The following SYPL2 variants were observed in gnomAD, a reference collection of about 807,000 sequenced individuals.
SYPL2 encodes the protein synaptophysin-like protein 2.
In SYPL2, 24 loss-of-function variants were observed where a neutral mutation model predicts 31.3. The ratio of observed to expected loss-of-function variants is 0.77; its 90% CI spans 0.56 to 1.08. SYPL2 has a LOEUF of 1.08. Among genes scored for constraint, SYPL2 ranks in the 50% least tolerant of loss-of-function variants. The pLI is 0.00. For missense variants in SYPL2, 342 were observed against 360.1 expected (o/e 0.95, Z 0.41); for synonymous variants, 144 against 143.1 (o/e 1.01, Z -0.05).
At position 109,475,693 on chromosome 1, in the gene SYPL2, G is replaced by T. The variant is rs768262124; in HGVS notation, c.242G>T (p.Gly81Val). ...GTGAGCTCCATCATCGTTGCATTTG[G>T]CTATCCCTTCAGGTGAGCAAGAATT... ...KDVSSIIVAF[G>V]YPFRLHRIQY... Residue 81 changes from glycine to valine, a missense_variant, in exon 3 of 6, where the codon GGC becomes GTC. By Grantham distance (109) the Gly-to-Val change is moderately radical. Coordinates refer to ENST00000369872, the MANE Select transcript of SYPL2 (RefSeq NM_001040709.2). 6.2e-7 allele frequency: 1 copy of T among 1,613,924 alleles called. No individual in the cohort carries two copies. The highest frequency in any genetic ancestry group is 1.1e-5 in the South Asian group (1 of 91,066).
At position 109,466,662 on chromosome 1, in the gene SYPL2, C is replaced by T. The variant is rs1655645293; in HGVS notation, c.-182C>T. 7.6e-6 allele frequency: 4 copies of T among 524,156 alleles called. No homozygotes were observed. The highest frequency in any genetic ancestry group is 1.2e-5 in the Non-Finnish European group (4 of 331,608). The allele number at this position is 524,156 out of a possible 1,614,324, so 32.5% of individuals were successfully genotyped here. A position where few individuals can be genotyped will look rare whatever the true frequency, so the allele number is the denominator to read the frequency against. ...GCCTCTGAGAGCACGAACAGCAGCG[C>T]CCCCGCGTCCCAGCCAGCCAGCCAG... is the stretch of plus-strand genomic sequence containing the variant. On this transcript the variant is annotated 5_prime_UTR_variant, in exon 1 of 6. Coordinates refer to ENST00000369872, the MANE Select transcript of SYPL2 (RefSeq NM_001040709.2).
At chr1:109,475,509 G>A (rs570763644) in intron 2 of SYPL2, 72 bp from the exon 3 acceptor site, 2 of 1,562,060 alleles carry the variant, frequency 1.3e-6, no homozygotes, top group South Asian at 1.2e-5. Flanking sequence ...CACCTGCGGG[G>A]AGTCACGGTT....
At chr1:109,473,537 C>T (rs1008044124) in intron 2 of SYPL2, among the ~76,000 whole-genome samples, 1 of 152,138 alleles carries the variant, frequency 6.6e-6, no homozygotes, top group African/African-American at 2.4e-5. Context: ...CAGTGTTACT[C>T]TCAGAGAGTG....
In SYPL2 at chr1:109,478,184, G is replaced by A; in HGVS notation, c.648+175G>A. 1 of 1,395,726 alleles carries A rather than the reference G, an allele frequency of 7.2e-7. No individual in the cohort carries two copies. The highest frequency in any genetic ancestry group is 9.4e-7 in the Non-Finnish European group (1 of 1,065,972). The allele number at this position is 1,395,726 out of a possible 1,614,324, so 86.5% of individuals were successfully genotyped here. On this transcript the variant is annotated intron_variant, in intron 5 of 5. Transcript: ENST00000369872. This position sits in a 1 kb window ranked among gnomAD's most constrained non-coding sequence, Gnocchi z 4.0. Reference sequence around the variant, plus strand: ...GCTGGCTCCTGGCTGACCCTGAGAGGACATTTTGGGATGAGGGGAACCCAA... The same window carrying A: ...GCTGGCTCCTGGCTGACCCTGAGAGAACATTTTGGGATGAGGGGAACCCAA...
intron 2 of SYPL2, among the ~76,000 whole-genome samples, chr1:109,469,977 C>A (rs890226743): frequency 2.0e-5 from 3 of 151,272 alleles, no homozygotes; most frequent in Admixed American, 6.6e-5. Flanking sequence ...GAGTAAATAT[C>A]AAATCTTTTT....
chr1:109,476,941 C>T lies in SYPL2; in HGVS notation c.420C>T (p.His140=), dbSNP rs1656018817. 3 of 1,614,130 alleles carry T rather than the reference C, an allele frequency of 1.9e-6. No homozygotes were observed. Among genetic ancestry groups the T allele is most frequent in the Non-Finnish European group, 2.5e-6 (3 of 1,180,062 alleles). ...MAALVIYLRF[H]NLYTENKRFP... is the part of the protein sequence containing the mutation. ...CCCTAGTTATCTACCTGCGCTTCCA[C>T]AACCTCTACACAGAGAACAAACGCT... Residue 140 remains histidine (H), a synonymous_variant, in exon 4 of 6, where the codon CAC becomes CAT. Coordinates refer to ENST00000369872, the MANE Select transcript of SYPL2 (RefSeq NM_001040709.2).
chr1:109,474,893 TG>T (rs969730881), intron 2 of SYPL2, among the ~76,000 whole-genome samples: 1 of 152,238 alleles, frequency 6.6e-6, no homozygotes, highest in African/African-American at 2.4e-5. Flanking sequence ...TACTTTTCTC[TG>T]GGCTTGAGCC....
Position 109,479,452 on chromosome 1 carries a change from ACAGGGCCAGGGC to A in SYPL2, c.728_739del (p.Gly243_Gln246del), listed in dbSNP as rs201507882. On this transcript the variant is annotated inframe_deletion, in exon 6 of 6. Transcript: ENST00000369872. ...TGTTCAAGGAGACCCCGTGGCATGGACAGGGCCAGGGCCAGGACCAGGACCAGGACCAGGACC... is the reference window on the plus strand; with the variant it reads ...TGTTCAAGGAGACCCCGTGGCATGGACAGGACCAGGACCAGGACCAGGACC... 1.2e-6 allele frequency: 2 copies of A among 1,614,100 alleles called. No homozygotes were observed. The highest frequency in any genetic ancestry group is 1.7e-6 in the Non-Finnish European group (2 of 1,179,946).
chr1:109,467,634 T>C (rs1655696587), intron 2 of SYPL2, among the ~76,000 whole-genome samples: 1 of 152,048 alleles, frequency 6.6e-6, no homozygotes, highest in Non-Finnish European at 1.5e-5. Flanking sequence ...GGCTCTCGGC[T>C]CGCCGTTCCC....
rs1353406825 is a variant in SYPL2, at chr1:109,466,878, A to T, written c.35A>T (p.Asp12Val). The part of the protein sequence containing the change: ...SSTESAGRTA[D>V]KSPRQQVDRL... ...ACCGAGAGCGCCGGCCGCACGGCGG[A>T]CAAGTCGCCGCGCCAGCAGGTAGTC... Residue 12 changes from aspartate (D) to valine (V), a missense_variant, in exon 1 of 6, where the codon GAC becomes GTC. Transcript: ENST00000369872. 1 of 1,529,762 alleles carries T rather than the reference A, an allele frequency of 6.5e-7. No individual in the cohort carries two copies. The highest frequency in any genetic ancestry group is 2.5e-5 in the East Asian group (1 of 40,058). 94.8% of individuals were successfully genotyped at this position (1,529,762 alleles called of 1,614,324 possible).
chr1:109,467,197 A>G (rs1655675770), intron 2 of SYPL2, 64 bp downstream of exon 2: 4 of 1,103,478 alleles, frequency 3.6e-6, no homozygotes, highest in Non-Finnish European at 4.8e-6. Flanking sequence ...ACCTGAAGCA[A>G]TGGAGCCAGG....
chr1:109,471,813 T>C (rs1017762323), intron 2 of SYPL2, among the ~76,000 whole-genome samples: 1 of 151,732 alleles, frequency 6.6e-6, no homozygotes. Flanking sequence ...ACCCCTGGGC[T>C]CAAGTGATCC....
chr1:109,481,368 G>C lies in SYPL2; in HGVS notation c.*1820G>C, dbSNP rs1004429641. 4 of 152,608 alleles carry C rather than the reference G, an allele frequency of 2.6e-5. No individual in the cohort carries two copies. Among genetic ancestry groups the C allele is most frequent in the Non-Finnish European group, 4.4e-5 (3 of 68,026 alleles). The allele number at this position is 152,608 out of a possible 1,614,324, so 9.5% of individuals were successfully genotyped here. A position where few individuals can be genotyped will look rare whatever the true frequency, so the allele number is the denominator to read the frequency against. ...TGTCCCCATGGTTACTCAAGGACAA[G>C]GGGGGACAGTTTTGCCTACAGCTCC... On this transcript the variant is annotated 3_prime_UTR_variant, in exon 6 of 6. Coordinates refer to ENST00000369872, the MANE Select transcript of SYPL2 (RefSeq NM_001040709.2).
At chr1:109,475,488 C>G (rs1288863652) in intron 2 of SYPL2, 93 bp from the exon 3 acceptor site, 1 of 1,518,068 alleles carries the variant, frequency 6.6e-7, no homozygotes, top group Admixed American at 1.9e-5. Flanking sequence ...CACTCCCGCA[C>G]TTAATGTCTG....
At position 109,479,742 on chromosome 1, in the gene SYPL2, C is replaced by A; in HGVS notation, c.*194C>A. The A allele has an allele frequency of 1.3e-6, 1 of 788,660 alleles. No individual in the cohort carries two copies. Among genetic ancestry groups the A allele is most frequent in the Non-Finnish European group, 2.0e-6 (1 of 511,884 alleles). The allele number at this position is 788,660 out of a possible 1,614,324, so 48.9% of individuals were successfully genotyped here. A position where few individuals can be genotyped will look rare whatever the true frequency, so the allele number is the denominator to read the frequency against. On this transcript the variant is annotated 3_prime_UTR_variant, in exon 6 of 6. Transcript: ENST00000369872. ...CAGTGGCTTCCTATCCTCCTTCTTG[C>A]TGGAGCCATGAATGGCAGGAGCTCA...
rs766571677 is a variant in SYPL2, at chr1:109,482,093, T to G, written c.*2545T>G. 1 of 152,602 alleles carries G rather than the reference T, an allele frequency of 6.6e-6. No individual in the cohort carries two copies. Among genetic ancestry groups the G allele is most frequent in the Non-Finnish European group, 1.5e-5 (1 of 68,034 alleles). 9.5% of individuals were successfully genotyped at this position (152,602 alleles called of 1,614,324 possible). ...GCATGTTGTTTTCTGGTGCTTGTTA[T>G]TATATATTTGAATAAACAGTGCTGC... On this transcript the variant is annotated 3_prime_UTR_variant, in exon 6 of 6. Coordinates refer to ENST00000369872, the MANE Select transcript of SYPL2 (RefSeq NM_001040709.2).
intron 2 of SYPL2, among the ~76,000 whole-genome samples, chr1:109,468,283 T>C (rs1436821500): frequency 1.3e-5 from 2 of 152,238 alleles, no homozygotes; most frequent in Admixed American, 6.5e-5. Context: ...CCATTAATAC[T>C]GAGGAGGATT....
intron 2 of SYPL2, among the ~76,000 whole-genome samples, chr1:109,471,849 G>A (rs1242757847): frequency 3.3e-5 from 5 of 151,920 alleles, no homozygotes; most frequent in Non-Finnish European, 5.9e-5. Flanking sequence ...TGGGACTACA[G>A]GCATGTACCA....
intron 3 of SYPL2, among the ~76,000 whole-genome samples, chr1:109,476,299 T>C (rs1022225662): frequency 6.6e-6 from 1 of 152,194 alleles, no homozygotes; most frequent in Non-Finnish European, 1.5e-5. Context: ...AACTGTCTCA[T>C]ATATAATAGG....
Sources: gnomAD v4.1 joint callset for allele counts (sites outside exome capture counted in the v4.1 genomes callset) on GRCh38, gnomAD v4.1.1 for gene constraint, Gnocchi (gnomAD v3.1) non-coding constraint, MANE v1.5 for transcripts, NCBI Gene and HGNC (gene_info 2026-07-23, HGNC 2026-07-21) for gene names.